The following SAG variants were observed in gnomAD, a reference collection of about 807,000 sequenced individuals.
The protein encoded by SAG is S-antigen visual arrestin.
A neutral mutation model predicts 55.0 loss-of-function variants in SAG; 45 were observed. The ratio of observed to expected loss-of-function variants is 0.82; its 90% CI spans 0.64 to 1.05. The LOEUF is 1.05. Among genes scored for constraint, SAG ranks in the 50% least tolerant of loss-of-function variants. The pLI, the probability that SAG is intolerant of heterozygous loss-of-function variation, is 0.00. For synonymous variants in SAG, 189 were observed against 197.4 expected (o/e 0.96, Z 0.36); for missense variants, 455 against 512.1 (o/e 0.89, Z 1.08).
chr2:233,320,735 C>T lies in SAG; in HGVS notation c.287C>T (p.Pro96Leu). The T allele has an allele frequency of 1.2e-6, 2 of 1,606,324 alleles. No individual in the cohort carries two copies. The highest frequency in any genetic ancestry group is 1.1e-5 in the South Asian group (1 of 89,500). Residue 96 changes from proline (P) to leucine (L), a missense_variant, in exon 5 of 16, where the codon CCT becomes CTT. By Grantham distance (98) the Pro-to-Leu change is moderately conservative. Transcript: ENST00000409110. ...TACTTCTCCCGGGTCCAGGTGTATC[C>T]TCCTGTGGGGGCCGCGAGCACCCCC... ...DLYFSRVQVY[P>L]PVGAASTPTK... is the part of the protein sequence containing the mutation.
intron 2 of SAG, 71 bp from the exon 3 acceptor site, chr2:233,316,004 G>T: frequency 1.1e-6 from 1 of 937,074 alleles, no homozygotes; most frequent in Admixed American, 2.1e-5. Flanking sequence ...CCGGGCTGCT[G>T]CTGGTTTTTA....
chr2:233,340,921 C>T lies in SAG; in HGVS notation c.1046+443C>T, dbSNP rs540574778. 5.9e-5 allele frequency among the ~76,000 whole-genome samples: 9 copies of T among 152,188 alleles called. No homozygotes were observed. Among genetic ancestry groups the T allele is most frequent in the African/African-American group, 2.2e-4 (9 of 41,502 alleles). The stretch of plus-strand genomic sequence containing the variant: ...CTCCACTTCCTGGGTTCAGGCAATC[C>T]TCCCGCCTCAGCCTCCTGAGTAGCT... On this transcript the variant is annotated intron_variant, in intron 13 of 15. Coordinates refer to ENST00000409110, the MANE Select transcript of SAG (RefSeq NM_000541.5). This position sits in a 1 kb window ranked among gnomAD's most constrained non-coding sequence, Gnocchi z 4.2.
intron 11 of SAG, among the ~76,000 whole-genome samples, chr2:233,337,038 G>C (rs1294580046): frequency 6.6e-6 from 1 of 151,764 alleles, no homozygotes. Flanking sequence ...CGAGGCTACA[G>C]TGACCTATGA....
At chr2:233,341,132 G>A (rs61006258) in intron 13 of SAG, among the ~76,000 whole-genome samples, 1,809 of 152,102 alleles carry the variant, frequency 0.012, 34 homozygotes, top group African/African-American at 0.041. Context: ...CATTTTAACC[G>A]TTTTGTTTTA....
chr2:233,329,964 T>C (rs188974917), intron 9 of SAG, among the ~76,000 whole-genome samples: 39 of 152,336 alleles, frequency 2.6e-4, no homozygotes, highest in African/African-American at 8.2e-4. Context: ...GGGCTCCTTG[T>C]CTACCTTCCC....
intron 3 of SAG, among the ~76,000 whole-genome samples, 176 bp from the exon 4 acceptor site, chr2:233,318,575 G>C (rs1224527302): frequency 6.6e-6 from 1 of 152,144 alleles, no homozygotes; most frequent in African/African-American, 2.4e-5. Context: ...CTTCACAATA[G>C]GTATTTTCAG....
intron 4 of SAG, 116 bp from the exon 5 acceptor site, chr2:233,320,514 C>A: frequency 1.4e-6 from 1 of 740,382 alleles, no homozygotes; most frequent in South Asian, 2.1e-5. Context: ...CCAATCCCAG[C>A]CCCTATCCCC....
chr2:233,323,462 C>CA (rs1246409066), intron 6 of SAG, among the ~76,000 whole-genome samples: 1 of 152,044 alleles, frequency 6.6e-6, no homozygotes, highest in Non-Finnish European at 1.5e-5. Flanking sequence ...CTGACAGGTT[C>CA]AAGCGATTCT....
In SAG at chr2:233,328,570, T is replaced by A. The variant is rs1700647569; in HGVS notation, c.605T>A (p.Met202Lys). The A allele has an allele frequency of 6.2e-7, 1 of 1,613,946 alleles. No individual in the cohort carries two copies. The highest frequency in any genetic ancestry group is 8.5e-7 in the Non-Finnish European group (1 of 1,179,846). Residue 202 changes from methionine to lysine, a missense_variant, in exon 8 of 16, where the codon ATG becomes AAG. Transcript: ENST00000409110. ...GCTGAGGCGGCCTGGCAGTTCTTCA[T>A]GTCTGACAAGCCCCTGCACCTTGCG... ...PRAEAAWQFF[M>K]SDKPLHLAVS... is the part of the protein sequence containing the mutation.
In SAG at chr2:233,319,584, G is replaced by A. The variant is rs533224272; in HGVS notation, c.181+789G>A. 5.2e-6 allele frequency: 5 copies of A among 959,152 alleles called. No individual in the cohort carries two copies. In the African/African-American group the frequency reaches 1.4e-4, roughly 26 times the overall value. 59.4% of individuals were successfully genotyped at this position (959,152 alleles called of 1,614,324 possible). A position where few individuals can be genotyped will look rare whatever the true frequency, so the allele number is the denominator to read the frequency against. ...GAATACGTCAGCTATGGGGCCATCA[G>A]CATTGAGGGGGCATGGCTGAAATGG... On this transcript the variant is annotated intron_variant, in intron 4 of 15. Coordinates refer to ENST00000409110, the MANE Select transcript of SAG (RefSeq NM_000541.5). This position sits in a 1 kb window ranked among gnomAD's most constrained non-coding sequence, Gnocchi z 4.4.
intron 13 of SAG, among the ~76,000 whole-genome samples, chr2:233,341,137 GTTTTA>G (rs531753059): frequency 1.3e-5 from 2 of 151,982 alleles, no homozygotes; most frequent in African/African-American, 4.8e-5. Context: ...TAACCGTTTT[GTTTTA>G]TTTTATTTTA....
At chr2:233,310,552 G>GAGGCTGGAGTGC (rs1700051540) in intron 2 of SAG, among the ~76,000 whole-genome samples, 2 of 130,082 alleles carry the variant, frequency 1.5e-5, no homozygotes, top group Non-Finnish European at 3.1e-5. Flanking sequence ...CTCTGTCACC[G>GAGGCTGGAGTGC]AGGCTGGAGT....
At chr2:233,327,098 T>C (rs750671370) in intron 6 of SAG, 23 bp from the exon 7 acceptor site, 42 of 1,605,976 alleles carry the variant, frequency 2.6e-5, no homozygotes, top group Middle Eastern at 1.7e-4. Flanking sequence ...GATCGCTGCC[T>C]GTCTGCTCTC....
intron 14 of SAG, chr2:233,346,061 G>A (rs28657808): frequency 0.11 from 16,677 of 156,824 alleles, 1,162 homozygotes; most frequent in African/African-American, 0.2. Context: ...CCTGAGACAC[G>A]AGAAACTCTT....
At chr2:233,308,799 C>T (rs1448364192) in intron 1 of SAG, among the ~76,000 whole-genome samples, 7 of 152,134 alleles carry the variant, frequency 4.6e-5, no homozygotes, top group Admixed American at 3.3e-4. Context: ...CTGATTTATT[C>T]GCCATTAGAC....
intron 11 of SAG, 104 bp downstream of exon 11, chr2:233,335,203 AT>A (rs1360592959): frequency 1.4e-6 from 2 of 1,426,188 alleles, no homozygotes; most frequent in Admixed American, 2.4e-5. Context: ...CACGTGCAGC[AT>A]GGTGGTCTGG....
intron 3 of SAG, among the ~76,000 whole-genome samples, chr2:233,318,486 G>C (rs577997306): frequency 1.6e-4 from 24 of 152,196 alleles, no homozygotes; most frequent in Non-Finnish European, 3.1e-4. Flanking sequence ...TCCTGCCTTG[G>C]CCTCCCAAAG....
In SAG at chr2:233,329,092, T is replaced by C. The variant is rs375186227; in HGVS notation, c.649-401T>C. On this transcript the variant is annotated intron_variant, in intron 8 of 15. Transcript: ENST00000409110. ...GAGAGCTGCTGGCCAAGGCTGGCTCTGGTTCCTCTGGTCAGCAGTCAGCCA... is the reference window on the plus strand; with the variant it reads ...GAGAGCTGCTGGCCAAGGCTGGCTCCGGTTCCTCTGGTCAGCAGTCAGCCA... The C allele has an allele frequency of 1.7e-5, 4 of 238,700 alleles. No individual in the cohort carries two copies. In the East Asian group the frequency reaches 5.2e-4, roughly 31 times the overall value. The allele number at this position is 238,700 out of a possible 1,614,324, so 14.8% of individuals were successfully genotyped here. A position where few individuals can be genotyped will look rare whatever the true frequency, so the allele number is the denominator to read the frequency against.
intron 2 of SAG, among the ~76,000 whole-genome samples, chr2:233,311,268 C>G (rs1453952288): frequency 1.3e-5 from 2 of 152,180 alleles, no homozygotes; most frequent in Non-Finnish European, 2.9e-5. Flanking sequence ...GACCTTCATC[C>G]TCCAGCAGGT....
Sources: gnomAD v4.1 joint callset for allele counts (sites outside exome capture counted in the v4.1 genomes callset) on GRCh38, gnomAD v4.1.1 for gene constraint, Gnocchi (gnomAD v3.1) non-coding constraint, MANE v1.5 for transcripts, NCBI Gene and HGNC (gene_info 2026-07-23, HGNC 2026-07-21) for gene names.